Variants in HSP90AA1 observed in about 807,000 individuals in gnomAD.
The protein encoded by HSP90AA1 is heat shock protein 90 alpha family class A member 1, also known as heat shock protein HSP 90-alpha.
Under a neutral mutation model 73.3 loss-of-function variants are expected in HSP90AA1, and 18 were observed. The ratio of observed to expected loss-of-function variants is 0.25; its 90% CI spans 0.17 to 0.36. The LOEUF (loss-of-function observed/expected upper bound fraction) is 0.36, where lower values mean the gene tolerates loss of function less well. Among genes scored for constraint, HSP90AA1 ranks in the 10% least tolerant of loss-of-function variants. HSP90AA1 has a pLI of 1.00. For synonymous variants in HSP90AA1, 477 were observed against 296.9 expected (o/e 1.61, Z -6.24); for missense variants, 704 against 874.2 (o/e 0.81, Z 2.45).
rs1237432264 is a variant in HSP90AA1 at position 102,111,298 on chromosome 14, G to A, written c.156-9213C>T. Reference sequence around the variant, plus strand: ...GCCGGGCCCAGGGCCCCCTTGCTCTGTGCAGCCTAGAGACTTGGTGCCCTG... The same window carrying A: ...GCCGGGCCCAGGGCCCCCTTGCTCTATGCAGCCTAGAGACTTGGTGCCCTG... On this transcript the variant is annotated intron_variant, in intron 1 of 11. Coordinates refer to the HSP90AA1 transcript ENST00000334701. Among the ~76,000 whole-genome samples, 3 of 152,226 alleles carry A rather than the reference G, an allele frequency of 2.0e-5. No individual in the cohort carries two copies. In the South Asian group the frequency reaches 6.2e-4, roughly 32 times the overall value.
At chr14:102,083,362 T>C (rs921081289) in intron 8 of HSP90AA1, 60 bp from the exon 9 acceptor site, 1 of 1,577,694 alleles carries the variant, frequency 6.3e-7, no homozygotes, top group African/African-American at 1.3e-5. Context: ...TTCATCTAGC[T>C]CTGACTTTTC....
At chr14:102,084,642 A>C (rs1293070402) in intron 5 of HSP90AA1, 39 bp downstream of exon 5, 1 of 1,614,006 alleles carries the variant, frequency 6.2e-7, no homozygotes, top group South Asian at 1.1e-5. Flanking sequence ...GAAAGATGAT[A>C]ATCTAAGGAC....
upstream of HSP90AA1, chr14:102,087,268 GCCGCGCGCCTCTCGCACGCCC>G (rs1185160321): frequency 1.7e-5 from 10 of 574,016 alleles, no homozygotes; most frequent in South Asian, 3.8e-4. Flanking sequence ...CTCAATCGCC[GCCGCGCGCCTCTCGCACGCCC>G]CCGCGCCGGC....
intron 1 of HSP90AA1, among the ~76,000 whole-genome samples, chr14:102,115,637 CTG>C (rs1426610704): frequency 1.3e-5 from 2 of 152,000 alleles, no homozygotes; most frequent in Admixed American, 1.3e-4. Flanking sequence ...AATCCCAGTA[CTG>C]TGGCAGGCTG....
chr14:102,111,790 G>T (rs2049645576), intron 1 of HSP90AA1, among the ~76,000 whole-genome samples: 1 of 152,104 alleles, frequency 6.6e-6, no homozygotes, highest in South Asian at 2.1e-4. Flanking sequence ...CTGCCTCTAG[G>T]CACTTGGGAT....
At chr14:102,091,801 T>A (rs2049362064), upstream of HSP90AA1, among the ~76,000 whole-genome samples, 1 of 151,770 alleles carries the variant, frequency 6.6e-6, no homozygotes, top group African/African-American at 2.4e-5. Flanking sequence ...TAAATTTTAT[T>A]TTTTTTGTAG....
At chr14:102,109,523 A>G (rs953199580) in intron 1 of HSP90AA1, among the ~76,000 whole-genome samples, 4 of 152,150 alleles carry the variant, frequency 2.6e-5, no homozygotes, top group African/African-American at 9.7e-5. Flanking sequence ...GCTGCCATAC[A>G]TGTAAGACAT....
At chr14:102,121,825 T>A (rs2049781663) in intron 1 of HSP90AA1, among the ~76,000 whole-genome samples, 1 of 152,166 alleles carries the variant, frequency 6.6e-6, no homozygotes, top group Non-Finnish European at 1.5e-5. Context: ...CCTTTGCCTA[T>A]TTTTTTCTAC....
At chr14:102,087,931 GTTT>G (rs71116877), upstream of HSP90AA1, among the ~76,000 whole-genome samples, 129 of 109,750 alleles carry the variant, frequency 1.2e-3, no homozygotes, top group South Asian at 2.3e-3. Flanking sequence ...GCCCTAAAAG[GTTT>G]TTTTTTTTTT....
intron 1 of HSP90AA1, among the ~76,000 whole-genome samples, chr14:102,129,707 G>C (rs1229096883): frequency 6.6e-6 from 1 of 151,900 alleles, no homozygotes; most frequent in Non-Finnish European, 1.5e-5. Flanking sequence ...GTTTCACCGT[G>C]TTGGCTAGGC....
chr14:102,082,821 C>G, intron 9 of HSP90AA1: 1 of 578,776 alleles, frequency 1.7e-6, no homozygotes. Flanking sequence ...TGAGTTTCAC[C>G]GTGTTAGCCA....
At chr14:102,099,766 G>C (rs554962893) in intron 2 of HSP90AA1, among the ~76,000 whole-genome samples, 3 of 152,346 alleles carry the variant, frequency 2.0e-5, no homozygotes, top group East Asian at 3.9e-4. Flanking sequence ...TGTTTCCCAA[G>C]TGTCAGCCCG....
Position 102,134,086 on chromosome 14 carries a change from G to C in HSP90AA1, c.155+5164C>G, listed in dbSNP as rs113488788. Among the ~76,000 whole-genome samples, 709 of 151,600 alleles carry C rather than the reference G, an allele frequency of 4.7e-3. 5 individuals carry two copies. Among genetic ancestry groups the C allele is most frequent in the African/African-American group, 0.016 (666 of 41,326 alleles). On this transcript the variant is annotated intron_variant, in intron 1 of 11. Transcript: ENST00000334701. ...GAATTGCTTCAACCTGGGAGACAGA[G>C]GTTGCAGTGAGCCGAGATTACGCCA...
In HSP90AA1 at chr14:102,085,304, A is replaced by G. The variant is rs374393547; in HGVS notation, c.657T>C (p.Thr219=). The change falls in exon 4 of 11, where the codon ACT becomes ACC. Residue 219 remains threonine, a synonymous_variant. Coordinates refer to ENST00000216281, the MANE Select transcript of HSP90AA1 (RefSeq NM_005348.4). ...KHSQFIGYPI[T]LFVEKERDKE... ...CAATTACATAAAAACTTACAAAAAGAGTAATGGGATATCCAATAAACTGAG... is the reference window on the plus strand; with the variant it reads ...CAATTACATAAAAACTTACAAAAAGGGTAATGGGATATCCAATAAACTGAG... 3.7e-6 allele frequency: 6 copies of G among 1,611,746 alleles called. No homozygotes were observed. In the African/African-American group the frequency reaches 4.0e-5, roughly 11 times the overall value.
At chr14:102,090,628 C>A (rs2049344178), upstream of HSP90AA1, among the ~76,000 whole-genome samples, 1 of 151,944 alleles carries the variant, frequency 6.6e-6, no homozygotes, top group African/African-American at 2.4e-5. Context: ...TTTTTGTATT[C>A]TTTAAGTAGA....
chr14:102,105,231 C>CAAAA lies in HSP90AA1; in HGVS notation c.156-3147_156-3146insTTTT, dbSNP rs2049551348. The stretch of plus-strand genomic sequence containing the variant: ...CAAAAAAAAAAAACAAAAAAAAAAC[C>CAAAA]AAACTTCATTCAACAAACACTGATC... On this transcript the variant is annotated intron_variant, in intron 1 of 11. Coordinates refer to the HSP90AA1 transcript ENST00000334701. Among the ~76,000 whole-genome samples the CAAAA allele has an allele frequency of 2.6e-5, 2 of 78,416 alleles. 1 individual carries two copies. 51.4% of individuals were successfully genotyped at this position (78,416 alleles called of 152,430 possible).
At chr14:102,085,733 A>C (rs749997138) in intron 3 of HSP90AA1, 25 bp downstream of exon 3, 12 of 1,613,760 alleles carry the variant, frequency 7.4e-6, no homozygotes, top group Non-Finnish European at 1.0e-5. Flanking sequence ...CCGCTCACTT[A>C]ACCAGTGAAT....
chr14:102,128,365 C>G (rs1027343609), intron 1 of HSP90AA1, among the ~76,000 whole-genome samples: 4 of 152,080 alleles, frequency 2.6e-5, no homozygotes, highest in Non-Finnish European at 4.4e-5. Flanking sequence ...CAGTGGCTCA[C>G]GCCTGTAATC....
At chr14:102,103,180 CAAAAAAAAAAA>C (rs898771022) in intron 1 of HSP90AA1, among the ~76,000 whole-genome samples, 746 of 37,268 alleles carry the variant, frequency 0.02, 12 homozygotes, top group Non-Finnish European at 0.033. Flanking sequence ...GACTCAGTCT[CAAAAAAAAAAA>C]AAAAAAAAAA....
Sources: allele counts gnomAD v4.1 joint callset (sites outside exome capture counted in the v4.1 genomes callset), GRCh38; gene constraint gnomAD v4.1.1; transcripts MANE v1.5; gene names NCBI Gene and HGNC (gene_info 2026-07-23, HGNC 2026-07-21).